Variants in LDLRAD4 observed in about 807,000 individuals in gnomAD.
LDLRAD4 encodes low density lipoprotein receptor class A domain containing 4.
A neutral mutation model predicts 17.0 loss-of-function variants in LDLRAD4; 5 were observed. The observed-to-expected ratio is 0.29, with a 90% CI of 0.15 to 0.62. The LOEUF is 0.62. LDLRAD4 is among the 20% of genes least tolerant of loss of function. The pLI, the probability that LDLRAD4 is intolerant of heterozygous loss-of-function variation, is 0.84. For synonymous variants in LDLRAD4, 168 were observed against 171.8 expected, an observed-to-expected ratio of 0.98 and a Z score of 0.17; for missense variants, 340 against 424.7, an observed-to-expected ratio of 0.80 and a Z score of 1.75.
intron 1 of LDLRAD4, among the ~76,000 whole-genome samples, chr18:13,370,375 T>C (rs1176329469): frequency 6.6e-6 from 1 of 152,230 alleles, no homozygotes; most frequent in African/African-American, 2.4e-5. Context: ...TCTCTGTTGC[T>C]GTGCTGGATG....
chr18:13,318,453 G>C (rs2081047267), intron 1 of LDLRAD4, among the ~76,000 whole-genome samples: 1 of 152,038 alleles, frequency 6.6e-6, no homozygotes, highest in Non-Finnish European at 1.5e-5. Context: ...GTAGAGACGG[G>C]GTTTTACCAT....
chr18:13,286,373 G>A (rs2045622574), intron 1 of LDLRAD4, among the ~76,000 whole-genome samples: 1 of 152,166 alleles, frequency 6.6e-6, no homozygotes, highest in South Asian at 2.1e-4. Context: ...ATAGAGTTTT[G>A]TTATTTATTT....
At chr18:13,506,641 A>T (rs985634651) in intron 3 of LDLRAD4, among the ~76,000 whole-genome samples, 3 of 152,150 alleles carry the variant, frequency 2.0e-5, no homozygotes, top group Non-Finnish European at 4.4e-5. Context: ...TAAACAACAG[A>T]TTTTCACTGT....
At chr18:13,345,700 T>G (rs28778276) in intron 1 of LDLRAD4, among the ~76,000 whole-genome samples, 2,027 of 152,304 alleles carry the variant, frequency 0.013, 30 homozygotes, top group Middle Eastern at 0.034. Context: ...CGGCTGTGAA[T>G]CCATCTGGTC....
chr18:13,410,218 G>T (rs928288010), intron 2 of LDLRAD4, among the ~76,000 whole-genome samples: 1 of 151,758 alleles, frequency 6.6e-6, no homozygotes, highest in African/African-American at 2.4e-5. Flanking sequence ...CACACCACAG[G>T]CTCCTAGATG....
chr18:13,478,663 G>T (rs1385990166), intron 3 of LDLRAD4, among the ~76,000 whole-genome samples: 1 of 152,232 alleles, frequency 6.6e-6, no homozygotes, highest in Non-Finnish European at 1.5e-5. Flanking sequence ...CAAGTTCATG[G>T]ATAGGAAGAC....
At chr18:13,315,800 A>AAC (rs1460839636) in intron 1 of LDLRAD4, among the ~76,000 whole-genome samples, 1 of 151,812 alleles carries the variant, frequency 6.6e-6, no homozygotes, top group Admixed American at 6.6e-5. Flanking sequence ...AAAAAAAAAA[A>AAC]AGAATGTATA....
intron 1 of LDLRAD4, among the ~76,000 whole-genome samples, chr18:13,305,425 A>T (rs1367039804): frequency 6.6e-6 from 1 of 152,234 alleles, no homozygotes; most frequent in African/African-American, 2.4e-5. Context: ...TTAAGACACT[A>T]TGTGATCCTT....
chr18:13,381,094 A>G (rs2085327837), intron 1 of LDLRAD4, among the ~76,000 whole-genome samples: 1 of 34,242 alleles, frequency 2.9e-5, no homozygotes, highest in African/African-American at 8.2e-5. Flanking sequence ...TTTTTTTTTG[A>G]AGAGACAGGG....
intron 3 of LDLRAD4, among the ~76,000 whole-genome samples, chr18:13,536,143 A>C (rs2094198208): frequency 6.6e-6 from 1 of 152,166 alleles, no homozygotes; most frequent in Non-Finnish European, 1.5e-5. Context: ...CTTTACATAG[A>C]AATTTTCAAT....
At chr18:13,632,309 T>G (rs1483930348) in intron 4 of LDLRAD4, among the ~76,000 whole-genome samples, 3 of 152,212 alleles carry the variant, frequency 2.0e-5, no homozygotes, top group Non-Finnish European at 4.4e-5. Flanking sequence ...ATCCCACACC[T>G]GCCAAGGGCA....
intron 1 of LDLRAD4, among the ~76,000 whole-genome samples, chr18:13,238,111 A>G (rs1239341236): frequency 6.6e-6 from 1 of 152,196 alleles, no homozygotes; most frequent in Non-Finnish European, 1.5e-5. Context: ...CCCAGGAACT[A>G]TTGGGAACTG....
At chr18:13,612,078 C>T in intron 3 of LDLRAD4, 2 of 985,560 alleles carry the variant, frequency 2.0e-6, no homozygotes, top group Non-Finnish European at 2.4e-6. Flanking sequence ...AGCGCCCTCT[C>T]CGGTCCTTCC....
chr18:13,319,371 A>G (rs190146947), intron 1 of LDLRAD4, among the ~76,000 whole-genome samples: 20 of 151,988 alleles, frequency 1.3e-4, no homozygotes, highest in African/African-American at 4.8e-4. Flanking sequence ...CTCGCTCCTG[A>G]GTTTCCTTTT....
intron 1 of LDLRAD4, among the ~76,000 whole-genome samples, chr18:13,319,997 A>T (rs1184862253): frequency 6.6e-6 from 1 of 152,210 alleles, no homozygotes; most frequent in Non-Finnish European, 1.5e-5. Flanking sequence ...CCAAAAAACT[A>T]TGTGTGGCCT....
chr18:13,606,069 C>A (rs906962517), intron 3 of LDLRAD4, among the ~76,000 whole-genome samples: 10 of 152,186 alleles, frequency 6.6e-5, no homozygotes, highest in Admixed American at 2.0e-4. Flanking sequence ...CTCCTGACCA[C>A]CCTGTGAAGT....
chr18:13,268,476 T>A (rs1053102652), intron 1 of LDLRAD4, among the ~76,000 whole-genome samples: 5 of 152,222 alleles, frequency 3.3e-5, no homozygotes, highest in African/African-American at 1.2e-4. Flanking sequence ...CTCTGCTACC[T>A]CTTACAAGGA....
chr18:13,537,592 G>A (rs1266397157), intron 3 of LDLRAD4, among the ~76,000 whole-genome samples: 4 of 152,126 alleles, frequency 2.6e-5, no homozygotes, highest in African/African-American at 7.2e-5. Context: ...CTGCTGTGCG[G>A]CCCAGTTCCT....
chr18:13,380,006 G>GCCAGCCCCCTGCCCA (rs2085228702), intron 1 of LDLRAD4, among the ~76,000 whole-genome samples: 1 of 144,680 alleles, frequency 6.9e-6, no homozygotes, highest in Admixed American at 6.8e-5. Context: ...CCCCCTGCCC[G>GCCAGCCCCCTGCCCA]TCAGCCCGAG....
Sources: gnomAD v4.1 joint callset for allele counts (sites outside exome capture counted in the v4.1 genomes callset) on GRCh38, gnomAD v4.1.1 for gene constraint, MANE v1.5 for transcripts, NCBI Gene and HGNC (gene_info 2026-07-23, HGNC 2026-07-21) for gene names.